Variants in TCERG1L observed in about 807,000 individuals in gnomAD.
TCERG1L encodes the protein transcription elongation regulator 1 like.
In TCERG1L, 37 loss-of-function variants were observed where a neutral mutation model predicts 56.3. The ratio of observed to expected loss-of-function variants is 0.66; its 90% CI spans 0.51 to 0.87. The LOEUF is 0.87. Ranked by LOEUF, TCERG1L falls within the 40% of genes least tolerant of loss-of-function variation. TCERG1L has a pLI of 0.00. For synonymous variants in TCERG1L, 324 were observed against 326.3 expected (o/e 0.99, Z 0.08); for missense variants, 799 against 774.2 (o/e 1.03, Z -0.38).
In TCERG1L at chr10:131,311,533, G is replaced by A. The variant is rs1164342872; in HGVS notation, c.103C>T (p.Pro35Ser). 4 of 1,198,414 alleles carry A rather than the reference G, an allele frequency of 3.3e-6. No individual in the cohort carries two copies. The East Asian group carries it at 1.1e-4, about 34-fold the overall frequency. 74.2% of individuals were successfully genotyped at this position (1,198,414 alleles called of 1,614,324 possible). A position where few individuals can be genotyped will look rare whatever the true frequency, so the allele number is the denominator to read the frequency against. Residue 35 changes from proline (P) to serine (S), a missense_variant, in exon 1 of 12, where the codon CCG becomes TCG. Pro to Ser is a moderately conservative substitution (Grantham distance 74). Coordinates refer to ENST00000368642, the MANE Select transcript of TCERG1L (RefSeq NM_174937.4). This position sits in a 1 kb window ranked among gnomAD's most constrained non-coding sequence, Gnocchi z 4.0. ...ACCATCCAGACCCAGGGCGGCGGCG[G>A]CGGCGGCTCTGCGTCCATCGGCCAG... ...LLWPMDAEPP[P>S]PPPWVWMVPG...
chr10:131,160,640 T>C (rs1005622790), intron 6 of TCERG1L: 1 of 152,278 alleles, frequency 6.6e-6, no homozygotes, highest in African/African-American at 2.4e-5. Flanking sequence ...CCAAGCTGCC[T>C]TGTTCTGCTT....
chr10:131,124,682 G>A (rs1589721810), intron 8 of TCERG1L, among the ~76,000 whole-genome samples: 1 of 152,236 alleles, frequency 6.6e-6, no homozygotes, highest in Admixed American at 6.5e-5. Flanking sequence ...GATGTGCACT[G>A]CACTGGCCTC....
At chr10:131,238,219 G>T (rs66464243) in intron 4 of TCERG1L, among the ~76,000 whole-genome samples, 1 of 152,096 alleles carries the variant, frequency 6.6e-6, no homozygotes, top group Non-Finnish European at 1.5e-5. Context: ...CGGCCCCCAC[G>T]TGCTGTTCCG....
chr10:131,111,645 C>CGGTCACGATTT (rs1463744038), intron 9 of TCERG1L, among the ~76,000 whole-genome samples: 2 of 142,752 alleles, frequency 1.4e-5, no homozygotes, highest in Non-Finnish European at 3.2e-5. Flanking sequence ...CTTTGAAATA[C>CGGTCACGATTT]GGTCACGATT....
chr10:131,130,730 A>G (rs563360295), intron 8 of TCERG1L, among the ~76,000 whole-genome samples: 1 of 152,312 alleles, frequency 6.6e-6, no homozygotes, highest in African/African-American at 2.4e-5. Flanking sequence ...ACAGTGAGCC[A>G]AATATCTGAC....
chr10:131,291,423 TTTTTTTTTTTTTTTTTTTTTTG>T (rs1445693548), intron 3 of TCERG1L, among the ~76,000 whole-genome samples: 4 of 88,540 alleles, frequency 4.5e-5, no homozygotes, highest in African/African-American at 4.9e-5. Flanking sequence ...TTTTTTTTTT[TTTTTTTTTTTTTTTTTTTTTTG>T]AGACGGAGTC....
intron 4 of TCERG1L, among the ~76,000 whole-genome samples, chr10:131,219,139 G>C (rs375758848): frequency 2.0e-5 from 3 of 152,092 alleles, no homozygotes; most frequent in African/African-American, 7.2e-5. Context: ...CCGCAGTCAT[G>C]ATGGCCCTCC....
intron 4 of TCERG1L, among the ~76,000 whole-genome samples, chr10:131,250,215 GGCTGGGGTTTCT>G (rs1846092503): frequency 1.3e-5 from 2 of 152,208 alleles, no homozygotes; most frequent in African/African-American, 2.4e-5. Flanking sequence ...CACTGAGACT[GGCTGGGGTTTCT>G]GCAAGTGGCC....
intron 3 of TCERG1L, among the ~76,000 whole-genome samples, chr10:131,303,347 T>C (rs1304633113): frequency 1.3e-5 from 2 of 152,120 alleles, no homozygotes; most frequent in South Asian, 2.1e-4. Flanking sequence ...TATCTCAGTG[T>C]GGTTTTGATT....
intron 4 of TCERG1L, among the ~76,000 whole-genome samples, chr10:131,185,884 T>C (rs1006297876): frequency 2.0e-5 from 3 of 152,148 alleles, no homozygotes; most frequent in Non-Finnish European, 4.4e-5. Context: ...TGAAAACGGA[T>C]ATTCAGATCA....
At chr10:131,182,003 G>A (rs1325243994) in intron 4 of TCERG1L, among the ~76,000 whole-genome samples, 1 of 152,186 alleles carries the variant, frequency 6.6e-6, no homozygotes, top group Non-Finnish European at 1.5e-5. Context: ...TGTGCACATA[G>A]CACACCGTGT....
At chr10:131,115,796 C>T (rs1404479994) in intron 9 of TCERG1L, among the ~76,000 whole-genome samples, 1 of 152,162 alleles carries the variant, frequency 6.6e-6, no homozygotes, top group Non-Finnish European at 1.5e-5. Context: ...TCTGTTCCCC[C>T]AAGGCTTAAC....
At chr10:131,170,386 T>A (rs1000991053) in intron 4 of TCERG1L, among the ~76,000 whole-genome samples, 3 of 151,998 alleles carry the variant, frequency 2.0e-5, no homozygotes, top group African/African-American at 7.2e-5. Context: ...AATCAACAAG[T>A]GTAAGACCAT....
At chr10:131,280,726 CA>C (rs1455443773) in intron 3 of TCERG1L, among the ~76,000 whole-genome samples, 12 of 151,774 alleles carry the variant, frequency 7.9e-5, no homozygotes, top group Admixed American at 1.3e-4. Flanking sequence ...CACACACAGA[CA>C]CCTGTTCTCT....
At chr10:131,201,593 G>C (rs1356798177) in intron 4 of TCERG1L, among the ~76,000 whole-genome samples, 1 of 152,172 alleles carries the variant, frequency 6.6e-6, no homozygotes, top group Admixed American at 6.5e-5. Context: ...TTAAATGGCT[G>C]CAAATAAAAA....
chr10:131,305,530 C>T (rs771555190), intron 3 of TCERG1L, among the ~76,000 whole-genome samples: 5 of 152,052 alleles, frequency 3.3e-5, no homozygotes, highest in Non-Finnish European at 5.9e-5. Flanking sequence ...ACAAACCTGC[C>T]TTCTGGGTTA....
At chr10:131,240,330 C>T (rs1589758447) in intron 4 of TCERG1L, among the ~76,000 whole-genome samples, 1 of 152,150 alleles carries the variant, frequency 6.6e-6, no homozygotes, top group South Asian at 2.1e-4. Flanking sequence ...GTCCCTCCCA[C>T]CCTGACCCTT....
intron 4 of TCERG1L, among the ~76,000 whole-genome samples, chr10:131,244,757 G>A (rs1450869529): frequency 1.3e-5 from 2 of 152,170 alleles, no homozygotes. Context: ...AGTTTTACCT[G>A]TGGACGAAGT....
intron 3 of TCERG1L, among the ~76,000 whole-genome samples, chr10:131,292,914 G>A (rs1364191361): frequency 4.6e-5 from 7 of 150,958 alleles, no homozygotes; most frequent in Non-Finnish European, 7.4e-5. Context: ...GCAGAGGTGC[G>A]ATCTCGGCTC....
Sources: allele counts gnomAD v4.1 joint callset (sites outside exome capture counted in the v4.1 genomes callset), GRCh38; gene constraint gnomAD v4.1.1; non-coding constraint Gnocchi (gnomAD v3.1); transcripts MANE v1.5; gene names NCBI Gene and HGNC (gene_info 2026-07-23, HGNC 2026-07-21).